The following CORIN variants were observed in gnomAD, a reference collection of about 807,000 sequenced individuals.
CORIN encodes the protein atrial natriuretic peptide-converting enzyme.
A neutral mutation model predicts 125.3 loss-of-function variants in CORIN; 117 were observed. The observed-to-expected ratio is 0.93, with a 90% CI of 0.80 to 1.09. The LOEUF (loss-of-function observed/expected upper bound fraction) is 1.09, where lower values mean the gene tolerates loss of function less well. Ranked by LOEUF, CORIN falls within the 50% of genes least tolerant of loss-of-function variation. The pLI is 0.00. For synonymous variants in CORIN, 450 were observed against 466.4 expected, an observed-to-expected ratio of 0.96 and a Z score of 0.45; for missense variants, 1,253 against 1,306.7, an observed-to-expected ratio of 0.96 and a Z score of 0.63.
intron 16 of CORIN, among the ~76,000 whole-genome samples, chr4:47,631,931 T>G (rs1722823164): frequency 6.6e-6 from 1 of 152,196 alleles, no homozygotes; most frequent in Admixed American, 6.5e-5. Flanking sequence ...TTTCTGATGC[T>G]GAAATGAGAG....
intron 2 of CORIN, among the ~76,000 whole-genome samples, chr4:47,787,361 C>T (rs1730863017): frequency 6.6e-6 from 1 of 152,146 alleles, no homozygotes; most frequent in African/African-American, 2.4e-5. Flanking sequence ...TGTGCTCTAC[C>T]TCTCTCTGTA....
chr4:47,711,400 A>G (rs1035771240), intron 5 of CORIN, among the ~76,000 whole-genome samples: 1 of 152,266 alleles, frequency 6.6e-6, no homozygotes, highest in African/African-American at 2.4e-5. Flanking sequence ...TCTCTCCAAC[A>G]GAATGGGAGC....
chr4:47,804,848 T>C (rs1207138058), intron 2 of CORIN, among the ~76,000 whole-genome samples: 1 of 151,958 alleles, frequency 6.6e-6, no homozygotes, highest in Admixed American at 6.6e-5. Flanking sequence ...TAATTGTACA[T>C]TTAAAAATAA....
At chr4:47,652,083 T>C (rs1049482638) in intron 13 of CORIN, among the ~76,000 whole-genome samples, 2 of 152,192 alleles carry the variant, frequency 1.3e-5, no homozygotes, top group African/African-American at 4.8e-5. Context: ...TGAACAAATC[T>C]AATACATTCT....
At chr4:47,700,281 G>A (rs371676062) in intron 5 of CORIN, among the ~76,000 whole-genome samples, 2 of 152,088 alleles carry the variant, frequency 1.3e-5, no homozygotes, top group East Asian at 1.9e-4. Flanking sequence ...GGGTAGAGGG[G>A]GACTCAGGAA....
At position 47,595,856 on chromosome 4, in the gene CORIN, C is replaced by T. The variant is rs749854404; in HGVS notation, c.2994G>A (p.Trp998Ter). The T allele has an allele frequency of 6.2e-7, 1 of 1,613,648 alleles. No individual in the cohort carries two copies. The highest frequency in any genetic ancestry group is 8.5e-7 in the Non-Finnish European group (1 of 1,179,794). Residue 998 changes from tryptophan to a stop codon, truncating the protein, a stop_gained, in exon 22 of 22, where the codon TGG becomes TGA. Coordinates refer to ENST00000273857, the MANE Select transcript of CORIN (RefSeq NM_006587.4). LOFTEE classifies it high-confidence loss of function. ...PLVCEKPGGR[W>*]TLFGLTSWGS... ...CCCATGAAGTTAATCCAAATAATGT[C>T]CACCGTCCTCCAGGCTTCTCACAAA...
chr4:47,697,080 T>C (rs1242559894), intron 5 of CORIN, among the ~76,000 whole-genome samples: 2 of 152,224 alleles, frequency 1.3e-5, no homozygotes, highest in Admixed American at 1.3e-4. Context: ...TTCTCCATGC[T>C]GCTCGAAATC....
chr4:47,748,879 A>G (rs913697320), intron 4 of CORIN, among the ~76,000 whole-genome samples: 4 of 152,200 alleles, frequency 2.6e-5, no homozygotes, highest in Non-Finnish European at 5.9e-5. Context: ...AAATTTCCAT[A>G]TATCCTTCAT....
intron 6 of CORIN, among the ~76,000 whole-genome samples, chr4:47,687,185 C>G (rs550225189): frequency 6.6e-6 from 1 of 152,308 alleles, no homozygotes; most frequent in Admixed American, 6.5e-5. Flanking sequence ...TCTGTTACTT[C>G]CCTAAGGTCT....
In CORIN at chr4:47,786,858, T is replaced by C; in HGVS notation, c.276A>G (p.Gln92=). 1 of 1,613,956 alleles carries C rather than the reference T, an allele frequency of 6.2e-7. No individual in the cohort carries two copies. Among genetic ancestry groups the C allele is most frequent in the Non-Finnish European group, 8.5e-7 (1 of 1,179,802 alleles). ...SEPLVTDGEI[Q]GSDVILTNTI... ...TATTTGTAAGAATAACATCGGACCC[T>C]TGGATTTCACCATCAGTGACCAAAG... The change falls in exon 3 of 22, where the codon CAA becomes CAG. Residue 92 remains glutamine, a synonymous_variant. Transcript: ENST00000273857.
At chr4:47,666,397 G>A (rs2109676210) in intron 10 of CORIN, among the ~76,000 whole-genome samples, 1 of 152,278 alleles carries the variant, frequency 6.6e-6, no homozygotes, top group African/African-American at 2.4e-5. Context: ...ACTATCCTAG[G>A]CAATGTAAAT....
At chr4:47,765,127 C>T (rs1365677434) in intron 3 of CORIN, among the ~76,000 whole-genome samples, 1 of 151,894 alleles carries the variant, frequency 6.6e-6, no homozygotes, top group African/African-American at 2.4e-5. Context: ...CTGGTTAACA[C>T]GGTGAAACCC....
chr4:47,771,174 A>G (rs1730012623), intron 3 of CORIN, among the ~76,000 whole-genome samples: 1 of 152,184 alleles, frequency 6.6e-6, no homozygotes, highest in Non-Finnish European at 1.5e-5. Flanking sequence ...CAGAGGGACC[A>G]ACTAGACTGG....
chr4:47,676,868 A>G (rs913496570), intron 9 of CORIN, among the ~76,000 whole-genome samples: 4 of 152,344 alleles, frequency 2.6e-5, no homozygotes, highest in African/African-American at 9.6e-5. Flanking sequence ...TATGCACACA[A>G]TAAATTACGT....
At chr4:47,836,803 G>A (rs2110003451) in intron 1 of CORIN, among the ~76,000 whole-genome samples, 1 of 152,328 alleles carries the variant, frequency 6.6e-6, no homozygotes, top group East Asian at 1.9e-4. Context: ...GCAGGAGTGA[G>A]GCGCCTGCCA....
chr4:47,600,843 C>T (rs1485463000), intron 20 of CORIN, among the ~76,000 whole-genome samples: 1 of 152,194 alleles, frequency 6.6e-6, no homozygotes, highest in Non-Finnish European at 1.5e-5. Context: ...GCAGCCATTA[C>T]TTGATGTAAG....
Position 47,653,603 on chromosome 4 carries a change from C to A in CORIN, c.1793G>T (p.Arg598Ile). 6.2e-7 allele frequency: 1 copy of A among 1,614,136 alleles called. No individual in the cohort carries two copies. The highest frequency in any genetic ancestry group is 8.5e-7 in the Non-Finnish European group (1 of 1,179,984). The change falls in exon 13 of 22, where the codon AGA becomes ATA. Residue 598 changes from arginine to isoleucine, a missense_variant. Transcript: ENST00000273857. ...RSGQCVLASR[R>I]CDGQADCDDD... ...GTCACAGTCGGCCTGGCCATCACATCTTCTGGAAGCCAGAACACACTGTCC... is the reference window on the plus strand; with the variant it reads ...GTCACAGTCGGCCTGGCCATCACATATTCTGGAAGCCAGAACACACTGTCC...
intron 16 of CORIN, among the ~76,000 whole-genome samples, chr4:47,636,177 T>C (rs1473124039): frequency 1.3e-5 from 2 of 152,172 alleles, no homozygotes; most frequent in Admixed American, 1.3e-4. Context: ...CACTAAAAGA[T>C]TAGGGCATAA....
At chr4:47,770,725 C>A (rs1729988472) in intron 3 of CORIN, among the ~76,000 whole-genome samples, 1 of 151,966 alleles carries the variant, frequency 6.6e-6, no homozygotes, top group South Asian at 2.1e-4. Context: ...TCATTTATGA[C>A]AAGATGGATG....
Sources: gnomAD v4.1 joint callset for allele counts (sites outside exome capture counted in the v4.1 genomes callset) on GRCh38, gnomAD v4.1.1 for gene constraint, MANE v1.5 for transcripts, NCBI Gene and HGNC (gene_info 2026-07-23, HGNC 2026-07-21) for gene names.